The following ABCC4 variants were observed in gnomAD, a reference collection of about 807,000 sequenced individuals.
The protein encoded by ABCC4 is ATP binding cassette subfamily C member 4 (PEL blood group), also known as ATP-binding cassette sub-family C member 4.
ABCC4 carries 102 observed loss-of-function variants against 168.5 expected under a neutral mutation model. The observed-to-expected ratio is 0.61, with a 90% CI of 0.52 to 0.71. The LOEUF is 0.71. Among genes scored for constraint, ABCC4 ranks in the 30% least tolerant of loss-of-function variants. The pLI is 0.00. For missense variants in ABCC4, 1,402 were observed against 1,605.8 expected (o/e 0.87, Z 2.17); for synonymous variants, 617 against 590.7 (o/e 1.04, Z -0.65).
intron 1 of ABCC4, among the ~76,000 whole-genome samples, chr13:95,273,254 G>A (rs750178769): frequency 5.3e-5 from 8 of 152,170 alleles, no homozygotes; most frequent in East Asian, 1.9e-4. Flanking sequence ...TTTTCCTGAC[G>A]TTTCTTTCAG....
At chr13:95,150,327 A>G (rs917761907) in intron 19 of ABCC4, among the ~76,000 whole-genome samples, 1 of 152,180 alleles carries the variant, frequency 6.6e-6, no homozygotes, top group African/African-American at 2.4e-5. Context: ...CAAGTCTAAG[A>G]CAGGCTTTCC....
chr13:95,272,033 G>A (rs1049596768), intron 1 of ABCC4, among the ~76,000 whole-genome samples: 35 of 149,722 alleles, frequency 2.3e-4, no homozygotes, highest in African/African-American at 8.6e-4. Flanking sequence ...GCTCCAGCAT[G>A]TTCTTTAAGC....
At chr13:95,153,053 C>G (rs2036741023) in intron 19 of ABCC4, among the ~76,000 whole-genome samples, 1 of 152,142 alleles carries the variant, frequency 6.6e-6, no homozygotes, top group Non-Finnish European at 1.5e-5. Context: ...TTGAAATCGG[C>G]CACTGCAAGT....
chr13:95,077,603 G>A (rs1224054324), intron 21 of ABCC4, among the ~76,000 whole-genome samples: 1 of 151,816 alleles, frequency 6.6e-6, no homozygotes, highest in African/African-American at 2.4e-5. Context: ...CACCCAAAGT[G>A]CTAGGATTAC....
chr13:95,122,344 C>A (rs1334927301), intron 19 of ABCC4, among the ~76,000 whole-genome samples: 3 of 152,186 alleles, frequency 2.0e-5, no homozygotes, highest in Non-Finnish European at 4.4e-5. Flanking sequence ...AATTGACCCA[C>A]AACAACCCAC....
chr13:95,168,032 A>G (rs2037342931), intron 14 of ABCC4, among the ~76,000 whole-genome samples: 1 of 152,012 alleles, frequency 6.6e-6, no homozygotes, highest in Admixed American at 6.6e-5. Context: ...GGCCCAGCCA[A>G]TTTTTTTGTA....
At chr13:95,202,637 A>G (rs1381534610) in intron 8 of ABCC4, among the ~76,000 whole-genome samples, 1 of 140,662 alleles carries the variant, frequency 7.1e-6, no homozygotes, top group Non-Finnish European at 1.5e-5. Context: ...GGGGATAAGA[A>G]TGTGCACTTT....
chr13:95,215,049 G>C lies in ABCC4; in HGVS notation c.532-4268C>G, dbSNP rs146094895. On this transcript the variant is annotated intron_variant, in intron 4 of 30. Coordinates refer to ENST00000645237, the MANE Select transcript of ABCC4 (RefSeq NM_005845.5). ...AAACAGCGTAAAGAATACTTTTCAA[G>C]CTATAAGGAGATGGTATCAAATGGA... is the stretch of plus-strand genomic sequence containing the variant. Among the ~76,000 whole-genome samples the C allele has an allele frequency of 1.8e-3, 279 of 152,276 alleles. 2 individuals are homozygous for C. Among genetic ancestry groups the C allele is most frequent in the African/African-American group, 6.3e-3 (263 of 41,562 alleles).
chr13:95,088,619 C>G (rs2034332976), intron 20 of ABCC4, among the ~76,000 whole-genome samples: 1 of 152,032 alleles, frequency 6.6e-6, no homozygotes, highest in Non-Finnish European at 1.5e-5. Context: ...TATATAACAC[C>G]TGTTTCAAAT....
At chr13:95,218,843 C>T (rs1287918634) in intron 4 of ABCC4, among the ~76,000 whole-genome samples, 1 of 112,110 alleles carries the variant, frequency 8.9e-6, no homozygotes, top group African/African-American at 3.8e-5. Flanking sequence ...AGAGCAAAAC[C>T]AAGAAAGAAA....
At chr13:95,088,161 T>G (rs2034317553) in intron 20 of ABCC4, among the ~76,000 whole-genome samples, 1 of 152,224 alleles carries the variant, frequency 6.6e-6, no homozygotes, top group South Asian at 2.1e-4. Context: ...TCCCTTCCTT[T>G]GTGGTCAGCA....
intron 26 of ABCC4, among the ~76,000 whole-genome samples, chr13:95,062,236 C>G (rs1053260462): frequency 5.3e-5 from 8 of 152,066 alleles, no homozygotes; most frequent in Admixed American, 2.0e-4. Context: ...ACCACAAAGC[C>G]AACTATAAGT....
chr13:95,290,207 T>C (rs2041362898), intron 1 of ABCC4, among the ~76,000 whole-genome samples: 1 of 152,104 alleles, frequency 6.6e-6, no homozygotes, highest in Non-Finnish European at 1.5e-5. Flanking sequence ...AATTGGCCTA[T>C]AAGGGGAACA....
intron 27 of ABCC4, among the ~76,000 whole-genome samples, chr13:95,045,587 T>C (rs769132174): frequency 6.6e-6 from 1 of 152,200 alleles, no homozygotes; most frequent in African/African-American, 2.4e-5. Flanking sequence ...ATGATGTTGA[T>C]ATTAATGTAT....
In ABCC4 at chr13:95,184,142, G is replaced by A. The variant is rs1331441086; in HGVS notation, c.1545+2559C>T. Among the ~76,000 whole-genome samples, 9 of 152,310 alleles carry A rather than the reference G, an allele frequency of 5.9e-5. 1 individual carries two copies. The highest frequency in any genetic ancestry group is 1.7e-4 in the African/African-American group (7 of 41,578). ...GAGTCTGCCTGCCACGCAGAAGCCCGCAGGTGCCTGGGACACTATCCGAGT... is the reference window on the plus strand; with the variant it reads ...GAGTCTGCCTGCCACGCAGAAGCCCACAGGTGCCTGGGACACTATCCGAGT... On this transcript the variant is annotated intron_variant, in intron 11 of 30. Transcript: ENST00000645237.
chr13:95,085,491 C>T (rs765748428), intron 20 of ABCC4, among the ~76,000 whole-genome samples: 1 of 152,126 alleles, frequency 6.6e-6, no homozygotes, highest in Non-Finnish European at 1.5e-5. Flanking sequence ...GGAATACATG[C>T]ACACTTTGTA....
intron 29 of ABCC4, among the ~76,000 whole-genome samples, chr13:95,037,593 T>C (rs1371021870): frequency 6.6e-6 from 1 of 152,236 alleles, no homozygotes; most frequent in African/African-American, 2.4e-5. Context: ...CCTGTCTTCT[T>C]TCCTCTTCAT....
At chr13:95,195,616 C>T (rs1299992256) in intron 8 of ABCC4, among the ~76,000 whole-genome samples, 3 of 152,136 alleles carry the variant, frequency 2.0e-5, no homozygotes, top group African/African-American at 4.8e-5. Flanking sequence ...AGCTTCTTTT[C>T]ACAATCACCT....
rs577656883 is a variant in ABCC4, at chr13:95,066,286, G to A, written c.3211-3427C>T. On this transcript the variant is annotated intron_variant, in intron 25 of 30. Coordinates refer to ENST00000645237, the MANE Select transcript of ABCC4 (RefSeq NM_005845.5). ...CTTAAAATCCTCCACTTGTCCCCTC[G>A]TGTGGATTTCTCCCACACTTAATGG... Among the ~76,000 whole-genome samples the A allele has an allele frequency of 6.6e-5, 10 of 152,182 alleles. No homozygotes were observed. In the East Asian group the frequency reaches 1.5e-3, roughly 24 times the overall value.
Sources: gnomAD v4.1 joint callset for allele counts (sites outside exome capture counted in the v4.1 genomes callset) on GRCh38, gnomAD v4.1.1 for gene constraint, MANE v1.5 for transcripts, NCBI Gene and HGNC (gene_info 2026-07-23, HGNC 2026-07-21) for gene names.